The following PRKN variants were observed in gnomAD, a reference collection of about 807,000 sequenced individuals.
PRKN encodes E3 ubiquitin-protein ligase parkin.
PRKN carries 56 observed loss-of-function variants against 59.5 expected under a neutral mutation model. That is an observed-to-expected ratio of 0.94 (90% CI 0.76 to 1.18). The LOEUF is 1.18. PRKN is among the 50% of genes most tolerant of loss of function. The pLI, the probability that PRKN is intolerant of heterozygous loss-of-function variation, is 0.00. For synonymous variants in PRKN, 250 were observed against 222.1 expected (o/e 1.13, Z -1.12); for missense variants, 657 against 596.4 (o/e 1.10, Z -1.06).
chr6:161,368,277 A>AAGTATATATTTATATATATTTG (rs1562399153), intron 10 of PRKN, among the ~76,000 whole-genome samples: 17 of 141,888 alleles, frequency 1.2e-4, no homozygotes, highest in African/African-American at 4.5e-4. Flanking sequence ...ATTTATATAT[A>AAGTATATATTTATATATATTTG]TGTATATATT....
intron 4 of PRKN, among the ~76,000 whole-genome samples, chr6:162,148,240 G>A (rs1278108425): frequency 6.6e-6 from 1 of 152,110 alleles, no homozygotes; most frequent in Non-Finnish European, 1.5e-5. Flanking sequence ...GTTAGTTTTG[G>A]TTCTTATTCT....
intron 7 of PRKN, among the ~76,000 whole-genome samples, chr6:161,754,921 A>C (rs1291593306): frequency 2.0e-5 from 3 of 152,204 alleles, no homozygotes; most frequent in Non-Finnish European, 2.9e-5. Flanking sequence ...ACAATGTTGA[A>C]GATGGCAGAG....
intron 11 of PRKN, among the ~76,000 whole-genome samples, chr6:161,358,954 C>T (rs535644426): frequency 3.3e-5 from 5 of 151,978 alleles, no homozygotes; most frequent in African/African-American, 1.2e-4. Flanking sequence ...GCCACCACAC[C>T]CGGCTAATTT....
chr6:161,930,821 A>G (rs922404705), intron 6 of PRKN, among the ~76,000 whole-genome samples: 2 of 152,210 alleles, frequency 1.3e-5, no homozygotes, highest in Non-Finnish European at 1.5e-5. Flanking sequence ...CAGGATAGTC[A>G]GTGTCAGAGT....
chr6:162,197,635 T>A (rs193175464), intron 4 of PRKN, among the ~76,000 whole-genome samples: 1 of 152,270 alleles, frequency 6.6e-6, no homozygotes, highest in African/African-American at 2.4e-5. Context: ...CTGTGTAACT[T>A]TGGGCTCATT....
chr6:162,552,755 G>C (rs1350357160), intron 1 of PRKN, among the ~76,000 whole-genome samples: 2 of 152,074 alleles, frequency 1.3e-5, no homozygotes, highest in Non-Finnish European at 1.5e-5. Context: ...TAAAGCCATG[G>C]GAATATAACT....
chr6:162,520,082 C>T (rs1189601245), intron 1 of PRKN, among the ~76,000 whole-genome samples: 1 of 152,030 alleles, frequency 6.6e-6, no homozygotes, highest in African/African-American at 2.4e-5. Flanking sequence ...AGACCCTCAT[C>T]TCTACAAAAA....
intron 1 of PRKN, among the ~76,000 whole-genome samples, chr6:162,610,692 T>C (rs1251011272): frequency 6.6e-6 from 1 of 152,120 alleles, no homozygotes; most frequent in African/African-American, 2.4e-5. Context: ...AATAGTAAAT[T>C]TTCAAAACAG....
Position 161,944,114 on chromosome 6 carries a change from C to T in PRKN, c.734+29188G>A, listed in dbSNP as rs180674776. Among the ~76,000 whole-genome samples, 315 of 143,196 alleles carry T rather than the reference C, an allele frequency of 2.2e-3. 2 individuals carry two copies. The highest frequency in any genetic ancestry group is 4.1e-3 in the Non-Finnish European group (269 of 65,242). 93.9% of individuals were successfully genotyped at this position (143,196 alleles called of 152,430 possible). Reference sequence around the variant, plus strand: ...CTGAGGGATCAGCCTGAGGAATCAGCCTGAGGGACCAGCCTGAGGGATCAG... The same window carrying T: ...CTGAGGGATCAGCCTGAGGAATCAGTCTGAGGGACCAGCCTGAGGGATCAG... On this transcript the variant is annotated intron_variant, in intron 6 of 11. Transcript: ENST00000366898.
intron 5 of PRKN, among the ~76,000 whole-genome samples, chr6:162,018,130 C>T (rs1448865256): frequency 2.6e-5 from 4 of 152,150 alleles, no homozygotes; most frequent in Admixed American, 2.0e-4. Flanking sequence ...GGGTTCACGC[C>T]ATTCTCCTCC....
At chr6:162,629,695 G>A (rs1741059477) in intron 1 of PRKN, among the ~76,000 whole-genome samples, 1 of 152,030 alleles carries the variant, frequency 6.6e-6, no homozygotes, top group African/African-American at 2.4e-5. Flanking sequence ...TGTAATAACA[G>A]TTTCTGATAT....
At chr6:162,036,038 A>C (rs533480161) in intron 5 of PRKN, among the ~76,000 whole-genome samples, 222 of 152,258 alleles carry the variant, frequency 1.5e-3, no homozygotes, top group African/African-American at 5.1e-3. Context: ...TAAAGAAAAC[A>C]ATACGGCCGG....
intron 7 of PRKN, among the ~76,000 whole-genome samples, chr6:161,608,741 T>A (rs1020420131): frequency 1.4e-4 from 22 of 151,886 alleles, no homozygotes; most frequent in Non-Finnish European, 3.1e-4. Context: ...GGTTTCACCA[T>A]GTGGGCCAGG....
At chr6:162,242,795 C>A (rs991698968) in intron 3 of PRKN, among the ~76,000 whole-genome samples, 10 of 152,074 alleles carry the variant, frequency 6.6e-5, no homozygotes, top group Admixed American at 2.0e-4. Context: ...TTCTGGACTG[C>A]ATTTTCGCCT....
Position 161,392,345 on chromosome 6 carries a change from T to C in PRKN, c.1084-5468A>G, listed in dbSNP as rs189084249. On this transcript the variant is annotated intron_variant, in intron 9 of 11. Coordinates refer to ENST00000366898, the MANE Select transcript of PRKN (RefSeq NM_004562.3). ...GTTGCAGTGAGCCAAGATTGTGCCATTGCACTCCAGCCTGGGTGACAGGGT... is the reference window on the plus strand; with the variant it reads ...GTTGCAGTGAGCCAAGATTGTGCCACTGCACTCCAGCCTGGGTGACAGGGT... Among the ~76,000 whole-genome samples the C allele has an allele frequency of 1.6e-3, 238 of 151,806 alleles. 4 individuals carry two copies. The highest frequency in any genetic ancestry group is 5.4e-3 in the African/African-American group (225 of 41,362).
intron 1 of PRKN, among the ~76,000 whole-genome samples, chr6:162,647,479 T>TG (rs66713719): frequency 0.19 from 29,280 of 151,994 alleles, 3,498 homozygotes; most frequent in East Asian, 0.47. Context: ...CATGAGCAGA[T>TG]GCACTATGGA....
chr6:161,997,403 T>C (rs1362098193), intron 5 of PRKN, among the ~76,000 whole-genome samples: 3 of 152,110 alleles, frequency 2.0e-5, no homozygotes, highest in Non-Finnish European at 4.4e-5. Flanking sequence ...CCATTCCACA[T>C]AACTGGACAT....
chr6:161,431,505 A>G (rs983628982), intron 9 of PRKN, among the ~76,000 whole-genome samples: 31 of 152,164 alleles, frequency 2.0e-4, no homozygotes, highest in Admixed American at 2.0e-3. Context: ...ATTTTATATT[A>G]TAAAGTGTTT....
At chr6:162,068,945 C>T (rs891506139) in intron 4 of PRKN, among the ~76,000 whole-genome samples, 15 of 152,124 alleles carry the variant, frequency 9.9e-5, no homozygotes, top group Admixed American at 9.8e-4. Flanking sequence ...CAATATATAA[C>T]ATTAGTTGTC....
Sources: gnomAD v4.1 joint callset for allele counts (sites outside exome capture counted in the v4.1 genomes callset) on GRCh38, gnomAD v4.1.1 for gene constraint, MANE v1.5 for transcripts, NCBI Gene and HGNC (gene_info 2026-07-23, HGNC 2026-07-21) for gene names.